ZNF208: variants seen among roughly 807,000 people sequenced by gnomAD.
The protein encoded by ZNF208 is zinc finger protein 95.
A neutral mutation model predicts 12.1 loss-of-function variants in ZNF208; 10 were observed. That is an observed-to-expected ratio of 0.83 (90% CI 0.51 to 1.40). The LOEUF (loss-of-function observed/expected upper bound fraction) is 1.40, where lower values mean the gene tolerates loss of function less well. ZNF208 is among the 40% of genes most tolerant of loss of function. ZNF208 has a pLI of 0.00. For missense variants in ZNF208, 1,652 were observed against 1,485.0 expected (o/e 1.11, Z -1.85); for synonymous variants, 497 against 488.4 (o/e 1.02, Z -0.23).
At chr19:21,993,257 G>A (rs1599628437) in intron 1 of ZNF208, among the ~76,000 whole-genome samples, 2 of 152,098 alleles carry the variant, frequency 1.3e-5, no homozygotes, top group East Asian at 1.9e-4. Context: ...TATGGGCCAC[G>A]CTGTACTGTC....
intron 1 of ZNF208, among the ~76,000 whole-genome samples, chr19:22,010,501 A>G (rs1468196032): frequency 6.6e-6 from 1 of 152,156 alleles, no homozygotes; most frequent in East Asian, 1.9e-4. Flanking sequence ...CGACCCTCTC[A>G]TGGTCCCTGC....
At chr19:21,977,471 C>T (rs10415606) in intron 3 of ZNF208, among the ~76,000 whole-genome samples, 7,129 of 152,232 alleles carry the variant, frequency 0.047, 461 homozygotes, top group African/African-American at 0.14. Context: ...GGAAGTGCAA[C>T]GGGTTGGGGA....
downstream of ZNF208, among the ~76,000 whole-genome samples, chr19:21,963,750 C>G (rs1289412789): frequency 1.3e-5 from 2 of 151,826 alleles, no homozygotes; most frequent in Admixed American, 1.3e-4. Flanking sequence ...TTAATTTACT[C>G]TAAATTGAGA....
chr19:21,948,518 C>T (rs1237914322), intron 4 of ZNF208, among the ~76,000 whole-genome samples: 2 of 152,182 alleles, frequency 1.3e-5, no homozygotes, highest in African/African-American at 4.8e-5. Flanking sequence ...ATCATCAGCT[C>T]CTCTGGTTGT....
chr19:21,986,944 T>C, intron 3 of ZNF208: 1 of 423,480 alleles, frequency 2.4e-6, no homozygotes, highest in Non-Finnish European at 4.1e-6. Flanking sequence ...AACAAAAAGA[T>C]TGTGCACTCT....
At chr19:21,963,851 A>G (rs1409952621), downstream of ZNF208, among the ~76,000 whole-genome samples, 1 of 152,000 alleles carries the variant, frequency 6.6e-6, no homozygotes, top group Non-Finnish European at 1.5e-5. Context: ...GAATGGATAT[A>G]AACTTTATGA....
intron 1 of ZNF208, among the ~76,000 whole-genome samples, chr19:21,992,218 T>C (rs528504152): frequency 6.6e-6 from 1 of 152,340 alleles, no homozygotes; most frequent in South Asian, 2.1e-4. Flanking sequence ...AGAAAGCTTA[T>C]CAACCAAGTG....
chr19:22,007,177 C>T (rs1971059102), intron 1 of ZNF208, among the ~76,000 whole-genome samples: 1 of 152,026 alleles, frequency 6.6e-6, no homozygotes, highest in Admixed American at 6.6e-5. Flanking sequence ...CAGTAGCTAA[C>T]ATTCTAAAAG....
chr19:21,959,720 A>G (rs181240036), intron 4 of ZNF208, among the ~76,000 whole-genome samples: 9 of 152,350 alleles, frequency 5.9e-5, no homozygotes, highest in African/African-American at 1.9e-4. Flanking sequence ...AATGCATAGC[A>G]TAACTATTGC....
intron 3 of ZNF208, among the ~76,000 whole-genome samples, chr19:21,976,648 C>T (rs1358605214): frequency 1.3e-5 from 2 of 152,158 alleles, no homozygotes; most frequent in African/African-American, 4.8e-5. Flanking sequence ...TGAACCTCTG[C>T]CTCCCAGGTT....
At chr19:22,003,948 T>A (rs572980591) in intron 1 of ZNF208, among the ~76,000 whole-genome samples, 50 of 152,038 alleles carry the variant, frequency 3.3e-4, no homozygotes, top group Non-Finnish European at 6.0e-4. Context: ...CTAGGTGGAT[T>A]GCCTGAGCTC....
intron 4 of ZNF208, among the ~76,000 whole-genome samples, chr19:21,952,861 A>G (rs1461995571): frequency 6.6e-6 from 1 of 152,212 alleles, no homozygotes. Context: ...GTCGGTAGTA[A>G]CAAACTTCTG....
At chr19:21,977,304 C>T (rs1441186947) in intron 3 of ZNF208, among the ~76,000 whole-genome samples, 1 of 151,784 alleles carries the variant, frequency 6.6e-6, no homozygotes, top group Non-Finnish European at 1.5e-5. Flanking sequence ...CAAATAGGAA[C>T]AGCTCTGGTC....
intron 4 of ZNF208, among the ~76,000 whole-genome samples, chr19:21,950,637 G>T (rs1969874970): frequency 6.6e-6 from 1 of 152,066 alleles, no homozygotes; most frequent in Non-Finnish European, 1.5e-5. Context: ...GGGATTACAG[G>T]CATCTGCCAC....
At position 21,972,939 on chromosome 19, in the gene ZNF208, C is replaced by T. The variant is rs1267295231; in HGVS notation, c.2095G>A (p.Gly699Ser). 1.2e-6 allele frequency: 2 copies of T among 1,613,722 alleles called. No homozygotes were observed. The highest frequency in any genetic ancestry group is 1.7e-4 in the Middle Eastern group (1 of 6,060). The change falls in exon 4 of 4, where the codon GGC becomes AGC. Residue 699 changes from glycine (G) to serine (S), a missense_variant. Transcript: ENST00000397126. ...TTTGAGGACCAGTTGAAAGCTTTGC[C>T]ACATTCTTCACATTTGTAGGGTTTC... ...GEKPYKCEEC[G>S]KAFNWSSNLM...
intron 3 of ZNF208, among the ~76,000 whole-genome samples, chr19:21,976,243 A>G (rs987217499): frequency 9.9e-5 from 15 of 152,220 alleles, no homozygotes; most frequent in African/African-American, 3.6e-4. Context: ...GAGCAGACAT[A>G]ATAGGGAAGA....
chr19:21,971,627 G>T lies in ZNF208; in HGVS notation c.3407C>A (p.Thr1136Asn), dbSNP rs746558371. 1.2e-6 allele frequency: 2 copies of T among 1,612,728 alleles called. No homozygotes were observed. Among genetic ancestry groups the T allele is most frequent in the African/African-American group, 2.7e-5 (2 of 74,862 alleles). Reference protein sequence around the residue: ...SILTKHKVIHTGEKPYKCEEC... With the variant: ...SILTKHKVIHNGEKPYKCEEC... The stretch of plus-strand genomic sequence containing the variant: ...TTCACATTTGTAGGGTTTCTCTCCA[G>T]TATGAATTACCTTATGTTTAGTAAG... Residue 1136 changes from threonine to asparagine, a missense_variant, in exon 4 of 4, where the codon ACT (threonine) becomes AAT (asparagine). By Grantham distance (65) the Thr-to-Asn change is moderately conservative (BLOSUM62 0). This residue lies in a region of ZNF208 where 1,239 missense variants were observed against 1,086.2 expected (regional missense o/e 1.14). Transcript: ENST00000397126.
downstream of ZNF208, among the ~76,000 whole-genome samples, chr19:21,961,315 G>A (rs190789888): frequency 9.2e-5 from 14 of 152,218 alleles, no homozygotes; most frequent in East Asian, 5.8e-4. Flanking sequence ...GGGGGTGTAC[G>A]AACAGGGAGT....
At chr19:22,005,558 A>G (rs1341833395) in intron 1 of ZNF208, among the ~76,000 whole-genome samples, 1 of 152,204 alleles carries the variant, frequency 6.6e-6, no homozygotes, top group African/African-American at 2.4e-5. Flanking sequence ...ACCCAGAGTC[A>G]GCACAGACCC....
Sources: allele counts gnomAD v4.1 joint callset (sites outside exome capture counted in the v4.1 genomes callset), GRCh38; gene constraint gnomAD v4.1.1; regional missense constraint gnomAD v4.1.1; transcripts MANE v1.5; gene names NCBI Gene and HGNC (gene_info 2026-07-23, HGNC 2026-07-21).